ARHGAP9: variants seen among roughly 807,000 people sequenced by gnomAD.
ARHGAP9 encodes the protein Rho GTPase activating protein 9.
ARHGAP9 carries 76 observed loss-of-function variants against 87.3 expected under a neutral mutation model. The ratio of observed to expected loss-of-function variants is 0.87; its 90% CI spans 0.72 to 1.05. The LOEUF is 1.05. ARHGAP9 is among the 50% of genes least tolerant of loss of function. The pLI is 0.00. For synonymous variants in ARHGAP9, 382 were observed against 394.9 expected (o/e 0.97, Z 0.39); for missense variants, 941 against 960.5 (o/e 0.98, Z 0.27).
At chr12:57,474,551 T>G in intron 14 of ARHGAP9, 75 bp from the exon 15 acceptor site, 1 of 1,613,048 alleles carries the variant, frequency 6.2e-7, no homozygotes, top group Non-Finnish European at 8.5e-7. Flanking sequence ...TTCTGCCAGC[T>G]TCCTCATGTA....
intron 17 of ARHGAP9, 27 bp from the exon 18 acceptor site, chr12:57,472,715 T>A (rs1283236201): frequency 6.2e-7 from 1 of 1,612,968 alleles, no homozygotes; most frequent in Admixed American, 1.7e-5. Flanking sequence ...AGGAAGGGGA[T>A]ATATGGCAGC....
At chr12:57,477,061 G>T in intron 5 of ARHGAP9, 95 bp downstream of exon 5, 2 of 1,505,242 alleles carry the variant, frequency 1.3e-6, no homozygotes, top group East Asian at 4.5e-5. Flanking sequence ...AGAGGTGGGG[G>T]GTGTGGTGGG....
At chr12:57,473,226 A>G (rs1872427665) in intron 17 of ARHGAP9, among the ~76,000 whole-genome samples, 1 of 152,118 alleles carries the variant, frequency 6.6e-6, no homozygotes, top group South Asian at 2.1e-4. Context: ...CAGCCTGGCC[A>G]ACATGGTGAA....
upstream of ARHGAP9, among the ~76,000 whole-genome samples, chr12:57,481,337 G>A (rs555192313): frequency 1.3e-5 from 2 of 151,906 alleles, no homozygotes; most frequent in Non-Finnish European, 1.5e-5. Context: ...TGCAACCTCC[G>A]CTTTCCAGGT....
At chr12:57,476,241 G>A (rs1594775451) in intron 8 of ARHGAP9, 75 bp from the exon 9 acceptor site, 2 of 1,491,316 alleles carry the variant, frequency 1.3e-6, no homozygotes, top group Non-Finnish European at 1.8e-6. Context: ...GGGCTGTGAG[G>A]AGGTGGGAGG....
Position 57,478,540 on chromosome 12 carries a change from T to G in ARHGAP9, c.534A>C (p.Thr178=). 6.2e-7 allele frequency: 1 copy of G among 1,613,982 alleles called. No individual in the cohort carries two copies. The highest frequency in any genetic ancestry group is 2.2e-5 in the East Asian group (1 of 44,872). Residue 178 remains threonine (T), a splice_region_variant and synonymous_variant, in exon 3 of 18, where the codon ACA becomes ACC. Coordinates refer to ENST00000393791, the MANE Select transcript of ARHGAP9 (RefSeq NM_032496.4). The stretch of plus-strand genomic sequence containing the variant: ...CCAGCTCAGAAGAGCTGTGACTCAC[T>G]GTGCTGGCACTGGCTTCTGACGGCA... ...EDLPSEASAS[T]AGPQPLMSEP...
chr12:57,488,159 G>A, intron 1 of ARHGAP9: 2 of 1,614,176 alleles, frequency 1.2e-6, no homozygotes, highest in South Asian at 1.1e-5. Context: ...GGAGAGCCCG[G>A]GGCAGAGCAG....
At chr12:57,487,278 T>A (rs574352901) in intron 1 of ARHGAP9, 1 of 152,070 alleles carries the variant, frequency 6.6e-6, no homozygotes, top group Non-Finnish European at 1.5e-5. Flanking sequence ...GCCCGGCCTA[T>A]GTACATTTTT....
chr12:57,478,808 G>C lies in ARHGAP9; in HGVS notation c.317-51C>G, dbSNP rs868298819. The C allele has an allele frequency of 2.2e-5, 34 of 1,513,044 alleles. No homozygotes were observed. The Middle Eastern group carries it at 4.1e-3, about 181-fold the overall frequency. The allele number at this position is 1,513,044 out of a possible 1,614,324, so 93.7% of individuals were successfully genotyped here. A position where few individuals can be genotyped will look rare whatever the true frequency, so the allele number is the denominator to read the frequency against. ...GTGGCAGGTGATCAGAGGTGTTGTT[G>C]TAACTGGGTCCCTCATCTTGGGAAC... is the stretch of plus-strand genomic sequence containing the variant. On this transcript the variant is annotated intron_variant, in intron 2 of 17. Transcript: ENST00000393791.
In ARHGAP9 at chr12:57,479,773, G is replaced by A. The variant is rs1874817133; in HGVS notation, c.-62C>T. The A allele has an allele frequency of 3.9e-6, 6 of 1,550,062 alleles. No individual in the cohort carries two copies. The highest frequency in any genetic ancestry group is 5.2e-6 in the Non-Finnish European group (6 of 1,146,784). The stretch of plus-strand genomic sequence containing the variant: ...AGATTCAGGAGCAGGAGTTGGTCCT[G>A]GGTAGTGGTGGGAGTCTTGAGGTGG... On this transcript the variant is annotated 5_prime_UTR_variant, in exon 1 of 18. Coordinates refer to ENST00000393791, the MANE Select transcript of ARHGAP9 (RefSeq NM_032496.4).
At chr12:57,481,841 T>G (rs1454618730), upstream of ARHGAP9, among the ~76,000 whole-genome samples, 1 of 152,220 alleles carries the variant, frequency 6.6e-6, no homozygotes, top group African/African-American at 2.4e-5. Context: ...TGCCTGTTCC[T>G]TAAACCACAG....
chr12:57,487,990 G>C, intron 1 of ARHGAP9: 1 of 905,904 alleles, frequency 1.1e-6, no homozygotes, highest in Non-Finnish European at 1.8e-6. Context: ...CAGGGCAGTG[G>C]CCTAATACGG....
intron 16 of ARHGAP9, 77 bp downstream of exon 16, chr12:57,473,965 A>T: frequency 1.3e-6 from 2 of 1,506,392 alleles, no homozygotes; most frequent in South Asian, 2.6e-5. Context: ...AAAGAAGAGT[A>T]TAAGGGAACC....
At position 57,479,298 on chromosome 12, in the gene ARHGAP9, CAGTATA is replaced by C. The variant is rs778618877; in HGVS notation, c.103_108del (p.Tyr35_Thr36del). ...AGAGACACCTGCTGGCCATCTGCCCCAGTATAAGTAAAGGCATAGAGGGCACAGAGC... is the reference window on the plus strand; with the variant it reads ...AGAGACACCTGCTGGCCATCTGCCCCAGTAAAGGCATAGAGGGCACAGAGC... On this transcript the variant is annotated inframe_deletion, in exon 2 of 18. Coordinates refer to ENST00000393791, the MANE Select transcript of ARHGAP9 (RefSeq NM_032496.4). 1.2e-6 allele frequency: 2 copies of C among 1,614,220 alleles called. No homozygotes were observed. Among genetic ancestry groups the C allele is most frequent in the East Asian group, 4.5e-5 (2 of 44,880 alleles).
intron 4 of ARHGAP9, 53 bp downstream of exon 4, chr12:57,477,405 CA>C (rs1874156883): frequency 2.3e-5 from 37 of 1,588,622 alleles, no homozygotes; most frequent in East Asian, 4.5e-5. Context: ...TGAGGTTCAT[CA>C]GGGGAAGGAA....
Position 57,473,599 on chromosome 12 carries a change from T to G in ARHGAP9, c.2024+4A>C. 6.2e-7 allele frequency: 1 copy of G among 1,611,224 alleles called. No individual in the cohort carries two copies. Among genetic ancestry groups the G allele is most frequent in the Non-Finnish European group, 8.5e-7 (1 of 1,177,432 alleles). On this transcript the variant is annotated splice_donor_region_variant and intron_variant, in intron 17 of 17. Transcript: ENST00000393791. ...CATGAACAAAGAGGTTCTGTCTTCC[T>G]GACCTGCATAAATGCTCCAGGAGGT...
chr12:57,481,486 C>T (rs190003799), upstream of ARHGAP9, among the ~76,000 whole-genome samples: 1,312 of 152,164 alleles, frequency 8.6e-3, 14 homozygotes, highest in African/African-American at 0.025. Context: ...CTCCTGACCT[C>T]GTGATCTGCC....
chr12:57,477,628 T>C lies in ARHGAP9; in HGVS notation c.587A>G (p.Asp196Gly). 6.2e-7 allele frequency: 1 copy of C among 1,612,762 alleles called. No individual in the cohort carries two copies. Among genetic ancestry groups the C allele is most frequent in the Non-Finnish European group, 8.5e-7 (1 of 1,179,564 alleles). ...SEPPVYCNLV[D>G]LRRCPRSPPP... ...TGGGGACCGAGGACAGCGGCGAAGG[T>C]CCACCAGGTTACAGTACACAGGGGG... The change falls in exon 4 of 18, where the codon GAC becomes GGC. Residue 196 changes from aspartate (D) to glycine (G), a missense_variant. Physicochemically the swap from Asp to Gly is moderately conservative, Grantham distance 94 (BLOSUM62 -1). Transcript: ENST00000393791.
intron 9 of ARHGAP9, 43 bp downstream of exon 9, chr12:57,476,028 T>A: frequency 6.6e-7 from 1 of 1,504,054 alleles, no homozygotes; most frequent in Non-Finnish European, 8.9e-7. Context: ...GGGGGCGCCC[T>A]CGGGTCGGGT....
Sources: gnomAD v4.1 joint callset for allele counts (sites outside exome capture counted in the v4.1 genomes callset) on GRCh38, gnomAD v4.1.1 for gene constraint, MANE v1.5 for transcripts, NCBI Gene and HGNC (gene_info 2026-07-23, HGNC 2026-07-21) for gene names.